Variants in PPP1R12B observed in about 807,000 individuals in gnomAD.
PPP1R12B encodes the protein protein phosphatase 1 regulatory subunit 12B, also known as myosin phosphatase target subunit 2.
A neutral mutation model predicts 126.1 loss-of-function variants in PPP1R12B; 76 were observed. That is an observed-to-expected ratio of 0.60 (90% CI 0.50 to 0.73). The LOEUF (loss-of-function observed/expected upper bound fraction) is 0.73. PPP1R12B is among the 30% of genes least tolerant of loss of function. The pLI is 0.00. For synonymous variants in PPP1R12B, 356 were observed against 434.7 expected (o/e 0.82, Z 2.25); for missense variants, 1,052 against 1,205.1 (o/e 0.87, Z 1.88).
At chr1:202,536,414 G>C (rs1684535074) in intron 18 of PPP1R12B, among the ~76,000 whole-genome samples, 1 of 152,112 alleles carries the variant, frequency 6.6e-6, no homozygotes, top group Non-Finnish European at 1.5e-5. Context: ...AAAATACTGG[G>C]TAAAAGATTA....
chr1:202,531,353 T>G (rs917434631), intron 18 of PPP1R12B, among the ~76,000 whole-genome samples: 12 of 152,190 alleles, frequency 7.9e-5, no homozygotes, highest in Non-Finnish European at 1.5e-5. Flanking sequence ...ATTATTTATA[T>G]AAAAATATAT....
intron 18 of PPP1R12B, among the ~76,000 whole-genome samples, chr1:202,505,090 A>G (rs1572318298): frequency 6.6e-6 from 1 of 152,242 alleles, no homozygotes; most frequent in African/African-American, 2.4e-5. Context: ...TATAACTCCA[A>G]CATGTGTTCT....
intron 1 of PPP1R12B, among the ~76,000 whole-genome samples, chr1:202,363,556 C>G (rs948466011): frequency 6.6e-6 from 1 of 152,166 alleles, no homozygotes; most frequent in Non-Finnish European, 1.5e-5. Flanking sequence ...TTTGGGTCCC[C>G]TGGCTCTGTG....
chr1:202,438,969 C>T, intron 10 of PPP1R12B: 1 of 1,530,128 alleles, frequency 6.5e-7, no homozygotes, highest in Non-Finnish European at 9.0e-7. Context: ...GAGATGCTCA[C>T]AGGGCAGGAG....
chr1:202,487,595 A>G (rs1678318951), intron 13 of PPP1R12B, among the ~76,000 whole-genome samples: 1 of 150,930 alleles, frequency 6.6e-6, no homozygotes. Context: ...TCCATGGAAG[A>G]TACATTTCTT....
chr1:202,533,755 A>G (rs2148945821), intron 18 of PPP1R12B, among the ~76,000 whole-genome samples: 1 of 152,218 alleles, frequency 6.6e-6, no homozygotes, highest in South Asian at 2.1e-4. Flanking sequence ...TACTCTTCTC[A>G]TTTCATGCTG....
At chr1:202,537,251 G>A (rs1013432790) in intron 18 of PPP1R12B, among the ~76,000 whole-genome samples, 1 of 152,158 alleles carries the variant, frequency 6.6e-6, no homozygotes, top group Non-Finnish European at 1.5e-5. Context: ...CTACTTGGGA[G>A]GCTGAGGCAG....
intron 18 of PPP1R12B, among the ~76,000 whole-genome samples, chr1:202,548,433 T>C (rs1377176930): frequency 2.0e-5 from 3 of 152,044 alleles, no homozygotes; most frequent in Non-Finnish European, 4.4e-5. Context: ...CCATCATGGC[T>C]CACTGCAGCC....
At chr1:202,511,342 G>C (rs1453802580) in intron 18 of PPP1R12B, among the ~76,000 whole-genome samples, 1 of 151,528 alleles carries the variant, frequency 6.6e-6, no homozygotes, top group East Asian at 1.9e-4. Flanking sequence ...TCAGCCTCCT[G>C]AGTAGCTGGG....
intron 1 of PPP1R12B, among the ~76,000 whole-genome samples, chr1:202,388,268 C>T (rs1024532642): frequency 6.6e-6 from 1 of 152,198 alleles, no homozygotes; most frequent in Non-Finnish European, 1.5e-5. Flanking sequence ...ACTGCAAGCT[C>T]TGCCTCCTGA....
chr1:202,537,780 A>G (rs1230219153), intron 18 of PPP1R12B, among the ~76,000 whole-genome samples: 1 of 152,184 alleles, frequency 6.6e-6, no homozygotes, highest in Non-Finnish European at 1.5e-5. Context: ...CTTTCATTCA[A>G]CATATCAAAA....
chr1:202,404,879 T>C (rs888357117), intron 1 of PPP1R12B, among the ~76,000 whole-genome samples: 6 of 152,220 alleles, frequency 3.9e-5, no homozygotes, highest in Non-Finnish European at 7.3e-5. Flanking sequence ...ACTATAACAC[T>C]TTGTACTTAG....
chr1:202,438,832 A>C (rs1260754385), intron 10 of PPP1R12B: 1 of 940,214 alleles, frequency 1.1e-6, no homozygotes, highest in Non-Finnish European at 1.8e-6. Flanking sequence ...GACGTGGGGG[A>C]GACGGCCATG....
chr1:202,427,744 ACG>A (rs1669723517), intron 5 of PPP1R12B, among the ~76,000 whole-genome samples: 1 of 152,040 alleles, frequency 6.6e-6, no homozygotes. Context: ...TCTCAAGTTC[ACG>A]CCATTCTCCT....
Position 202,591,314 on chromosome 1 carries a change from C to G in PPP1R12B, c.*10754C>G, listed in dbSNP as rs897584201. 1 of 152,758 alleles carries G rather than the reference C, an allele frequency of 6.5e-6. No individual in the cohort carries two copies. Among genetic ancestry groups the G allele is most frequent in the Non-Finnish European group, 1.5e-5 (1 of 68,456 alleles). The allele number at this position is 152,758 out of a possible 1,614,324, so 9.5% of individuals were successfully genotyped here. A position where few individuals can be genotyped will look rare whatever the true frequency, so the allele number is the denominator to read the frequency against. On this transcript the variant is annotated 3_prime_UTR_variant, in exon 24 of 24. Transcript: ENST00000608999. ...GTTCTCTCTCCTTCCTCATACTTGT[C>G]ACAGTTGCCAGGCCTGAGGCATCCT...
At chr1:202,465,783 A>G (rs1674895819) in intron 13 of PPP1R12B, among the ~76,000 whole-genome samples, 1 of 152,156 alleles carries the variant, frequency 6.6e-6, no homozygotes, top group Non-Finnish European at 1.5e-5. Context: ...TATTTTTTCT[A>G]AGGAAATCTA....
intron 1 of PPP1R12B, among the ~76,000 whole-genome samples, chr1:202,407,242 G>C (rs77967504): frequency 2.0e-5 from 3 of 152,078 alleles, no homozygotes; most frequent in Non-Finnish European, 4.4e-5. Flanking sequence ...GAAGCGAAGG[G>C]CTTATTAGAA....
At chr1:202,417,025 A>C (rs1668166573) in intron 2 of PPP1R12B, 108 bp downstream of exon 2, 1 of 1,251,682 alleles carries the variant, frequency 8.0e-7, no homozygotes, top group Non-Finnish European at 1.0e-6. Flanking sequence ...ATCTCTCTTT[A>C]TTACAGATTA....
chr1:202,359,894 T>C (rs1571567085), intron 1 of PPP1R12B, among the ~76,000 whole-genome samples: 2 of 151,306 alleles, frequency 1.3e-5, no homozygotes, highest in South Asian at 4.2e-4. Flanking sequence ...GTGTTTAAGT[T>C]TCCCTGATTG....
Sources: allele counts gnomAD v4.1 joint callset (sites outside exome capture counted in the v4.1 genomes callset), GRCh38; gene constraint gnomAD v4.1.1; transcripts MANE v1.5; gene names NCBI Gene and HGNC (gene_info 2026-07-23, HGNC 2026-07-21).